The following NRXN3 variants were observed in gnomAD, a reference collection of about 807,000 sequenced individuals.
The protein encoded by NRXN3 is neurexin III.
A neutral mutation model predicts 137.6 loss-of-function variants in NRXN3; 32 were observed. The observed-to-expected ratio is 0.23, with a 90% CI of 0.18 to 0.31. The LOEUF (loss-of-function observed/expected upper bound fraction) is 0.31, where lower values mean the gene tolerates loss of function less well. NRXN3 is among the 10% of genes least tolerant of loss of function. The pLI is 1.00. For missense variants in NRXN3, 1,574 were observed against 2,062.5 expected, an observed-to-expected ratio of 0.76 and a Z score of 4.59; for synonymous variants, 798 against 784.5, an observed-to-expected ratio of 1.02 and a Z score of -0.29.
chr14:78,961,968 ACCC>A (rs2099408980), intron 11 of NRXN3, among the ~76,000 whole-genome samples: 1 of 152,184 alleles, frequency 6.6e-6, no homozygotes, highest in Non-Finnish European at 1.5e-5. Context: ...TGGATATATT[ACCC>A]ATGAATTAGA....
chr14:79,393,461 T>C (rs769949060), intron 15 of NRXN3, among the ~76,000 whole-genome samples: 2 of 152,188 alleles, frequency 1.3e-5, no homozygotes, highest in African/African-American at 2.4e-5. Flanking sequence ...TTAAATGAGA[T>C]TGACTATTTT....
At chr14:79,548,731 CA>C in intron 16 of NRXN3, among the ~76,000 whole-genome samples, 1 of 136,644 alleles carries the variant, frequency 7.3e-6, no homozygotes, top group Non-Finnish European at 1.6e-5. Flanking sequence ...CTTAAAGATA[CA>C]GTACATTTAA....
chr14:79,238,710 C>T (rs1470277028), intron 15 of NRXN3, among the ~76,000 whole-genome samples: 2 of 152,064 alleles, frequency 1.3e-5, no homozygotes, highest in East Asian at 3.9e-4. Context: ...ATTCCAGCGG[C>T]TTCTAAGGCA....
At chr14:78,620,081 A>G (rs1008927403) in intron 4 of NRXN3, among the ~76,000 whole-genome samples, 2 of 152,296 alleles carry the variant, frequency 1.3e-5, no homozygotes, top group East Asian at 1.9e-4. Flanking sequence ...TGGCTAAGAT[A>G]CTGTCTTGTA....
chr14:79,632,602 A>G (rs1355372822), intron 16 of NRXN3, among the ~76,000 whole-genome samples: 1 of 152,216 alleles, frequency 6.6e-6, no homozygotes, highest in Non-Finnish European at 1.5e-5. Flanking sequence ...ACAAAATTTC[A>G]CTTCATGATT....
intron 1 of NRXN3, among the ~76,000 whole-genome samples, chr14:78,193,810 G>A (rs561923375): frequency 9.3e-5 from 14 of 150,464 alleles, no homozygotes; most frequent in Middle Eastern, 3.5e-3. Flanking sequence ...AGAAGACAGA[G>A]TTCAGAGTTC....
At chr14:79,770,840 G>GT (rs1347559858) in intron 19 of NRXN3, among the ~76,000 whole-genome samples, 8 of 151,926 alleles carry the variant, frequency 5.3e-5, no homozygotes, top group Non-Finnish European at 1.0e-4. Context: ...CCAGGAGCTG[G>GT]TTTTTTGAAA....
intron 10 of NRXN3, among the ~76,000 whole-genome samples, chr14:78,935,654 G>A (rs149428796): frequency 1.3e-5 from 2 of 152,292 alleles, no homozygotes; most frequent in East Asian, 3.9e-4. Flanking sequence ...TCCAGAGCTG[G>A]TCGAATCCAC....
intron 10 of NRXN3, among the ~76,000 whole-genome samples, chr14:78,850,926 C>T (rs2099040821): frequency 6.6e-6 from 1 of 152,118 alleles, no homozygotes; most frequent in Non-Finnish European, 1.5e-5. Flanking sequence ...TGAACAGTTT[C>T]CAAAAGTGTT....
chr14:78,888,871 A>ACACACACACACACACACACACC (rs1491176672), intron 10 of NRXN3, among the ~76,000 whole-genome samples: 5 of 146,230 alleles, frequency 3.4e-5, no homozygotes, highest in African/African-American at 1.0e-4. Flanking sequence ...ACACACACAC[A>ACACACACACACACACACACACC]CCCCAGATTT....
chr14:79,519,929 G>C (rs918830241), intron 16 of NRXN3, among the ~76,000 whole-genome samples: 1 of 151,754 alleles, frequency 6.6e-6, no homozygotes, highest in Non-Finnish European at 1.5e-5. Flanking sequence ...TGCTATTTAG[G>C]TCAATTATAG....
In NRXN3 at chr14:79,275,492, G is replaced by C. The variant is rs185964990; in HGVS notation, c.3263-191729G>C. On this transcript the variant is annotated intron_variant, in intron 15 of 20. Transcript: ENST00000335750. ...GGCAAGTCAGAGTCTATACAAGTGA[G>C]GAGAGGCCTGTGCAGAGATAAAATG... 1.4e-3 allele frequency among the ~76,000 whole-genome samples: 215 copies of C among 152,210 alleles called. 3 individuals carry two copies. Among genetic ancestry groups the C allele is most frequent in the South Asian group, 7.5e-3 (36 of 4,816 alleles).
chr14:78,994,087 CT>C (rs2099524871), intron 15 of NRXN3, among the ~76,000 whole-genome samples: 1 of 151,872 alleles, frequency 6.6e-6, no homozygotes, highest in African/African-American at 2.4e-5. Context: ...AATTCCTGAC[CT>C]TGTGATCCGC....
chr14:79,559,523 G>A (rs2097467199), intron 16 of NRXN3, among the ~76,000 whole-genome samples: 1 of 152,070 alleles, frequency 6.6e-6, no homozygotes, highest in South Asian at 2.1e-4. Flanking sequence ...CCCCAAAACA[G>A]TTACAATAGT....
intron 16 of NRXN3, among the ~76,000 whole-genome samples, chr14:79,578,191 A>G (rs530046987): frequency 6.6e-6 from 1 of 152,338 alleles, no homozygotes; most frequent in Non-Finnish European, 1.5e-5. Context: ...AGGACAGGAT[A>G]CAGATTAAAC....
chr14:78,773,492 A>G (rs1395922553), intron 8 of NRXN3, among the ~76,000 whole-genome samples: 4 of 152,190 alleles, frequency 2.6e-5, no homozygotes, highest in Non-Finnish European at 5.9e-5. Flanking sequence ...CTCCTACAGA[A>G]GGATAAAGGA....
chr14:79,860,917 C>A, intron 20 of NRXN3: 1 of 614,812 alleles, frequency 1.6e-6, no homozygotes, highest in Non-Finnish European at 2.5e-6. Flanking sequence ...GATTAGACTC[C>A]ATCCAGAAAA....
At chr14:79,381,258 A>G (rs1026706123) in intron 15 of NRXN3, among the ~76,000 whole-genome samples, 2 of 149,858 alleles carry the variant, frequency 1.3e-5, no homozygotes, top group African/African-American at 4.9e-5. Context: ...TCTTAATATG[A>G]TATGGTGTTC....
chr14:79,510,704 T>G (rs1317371858), intron 16 of NRXN3, among the ~76,000 whole-genome samples: 2 of 152,216 alleles, frequency 1.3e-5, no homozygotes, highest in Non-Finnish European at 2.9e-5. Flanking sequence ...TCCAATGCCT[T>G]GACTCTGCCT....
Sources: gnomAD v4.1 joint callset for allele counts (sites outside exome capture counted in the v4.1 genomes callset) on GRCh38, gnomAD v4.1.1 for gene constraint, MANE v1.5 for transcripts, NCBI Gene and HGNC (gene_info 2026-07-23, HGNC 2026-07-21) for gene names.